Variants in NRXN1 observed in about 807,000 individuals in gnomAD.
The protein encoded by NRXN1 is neurexin 1.
Under a neutral mutation model 150.9 loss-of-function variants are expected in NRXN1, and 39 were observed. The observed-to-expected ratio is 0.26, with a 90% CI of 0.20 to 0.34. The LOEUF is 0.34. Among genes scored for constraint, NRXN1 ranks in the 10% least tolerant of loss-of-function variants. The pLI, the probability that NRXN1 is intolerant of heterozygous loss-of-function variation, is 1.00. For synonymous variants in NRXN1, 924 were observed against 757.0 expected (o/e 1.22, Z -3.62); for missense variants, 1,815 against 1,949.9 (o/e 0.93, Z 1.30).
intron 19 of NRXN1, among the ~76,000 whole-genome samples, chr2:50,084,661 C>T (rs1370931746): frequency 6.6e-6 from 1 of 152,200 alleles, no homozygotes; most frequent in Non-Finnish European, 1.5e-5. Context: ...TCCCACAGTG[C>T]AGTGGCAGGC....
chr2:50,574,871 C>A (rs1671163286), intron 8 of NRXN1, among the ~76,000 whole-genome samples: 2 of 152,184 alleles, frequency 1.3e-5, no homozygotes, highest in Non-Finnish European at 2.9e-5. Flanking sequence ...GATTCTTGTG[C>A]TTTGGCTGCA....
intron 5 of NRXN1, among the ~76,000 whole-genome samples, chr2:50,751,898 G>A (rs1192713170): frequency 6.6e-6 from 1 of 151,828 alleles, no homozygotes; most frequent in East Asian, 1.9e-4. Context: ...ACTATTTGAG[G>A]GTTGAAACCT....
chr2:50,895,243 AT>A (rs148031337), intron 5 of NRXN1, among the ~76,000 whole-genome samples: 6,495 of 152,292 alleles, frequency 0.043, 187 homozygotes, highest in Admixed American at 0.07. Flanking sequence ...ACAATGAGCC[AT>A]TTTATGAGTG....
rs1192060350 is a variant in NRXN1 at position 50,265,994 on chromosome 2, TATTATTTA to T, written c.3365-29032_3365-29025del. ...TTATTATTATTATTATTATTATTAT[TATTATTTA>T]TTTTTTTTTTTTTTGAGATAGAGTC... On this transcript the variant is annotated intron_variant, in intron 17 of 22. Coordinates refer to ENST00000401669, the MANE Select transcript of NRXN1 (RefSeq NM_001330078.2). Among the ~76,000 whole-genome samples, 664 of 71,358 alleles carry T rather than the reference TATTATTTA, an allele frequency of 9.3e-3. 2 individuals are homozygous for T. The highest frequency in any genetic ancestry group is 0.011 in the Non-Finnish European group (429 of 38,976). 46.8% of individuals were successfully genotyped at this position (71,358 alleles called of 152,430 possible).
chr2:50,966,751 G>A (rs1183746235), intron 2 of NRXN1, among the ~76,000 whole-genome samples: 7 of 151,876 alleles, frequency 4.6e-5, no homozygotes, highest in African/African-American at 1.7e-4. Flanking sequence ...AAATGAATGG[G>A]TAGTAATGGA....
chr2:50,110,186 C>T (rs1428949992), intron 18 of NRXN1, among the ~76,000 whole-genome samples: 1 of 152,042 alleles, frequency 6.6e-6, no homozygotes, highest in Non-Finnish European at 1.5e-5. Context: ...TCCCTCCCTC[C>T]TCACTTAGAA....
intron 17 of NRXN1, among the ~76,000 whole-genome samples, chr2:50,456,742 T>C (rs894430314): frequency 2.1e-4 from 32 of 152,136 alleles, no homozygotes; most frequent in African/African-American, 6.5e-4. Flanking sequence ...TCTTCACTAT[T>C]AATCTTGTAT....
intron 5 of NRXN1, among the ~76,000 whole-genome samples, chr2:50,896,141 G>A (rs1401238096): frequency 1.3e-5 from 2 of 152,094 alleles, no homozygotes; most frequent in East Asian, 1.9e-4. Flanking sequence ...TATTTACTGA[G>A]TCCTGTTAGA....
intron 5 of NRXN1, among the ~76,000 whole-genome samples, chr2:50,628,049 A>G (rs988092057): frequency 6.6e-6 from 1 of 151,896 alleles, no homozygotes. Context: ...TAACTAAATT[A>G]TAAAGTTTTG....
intron 5 of NRXN1, among the ~76,000 whole-genome samples, chr2:50,801,334 A>G (rs1188936115): frequency 6.6e-6 from 1 of 152,208 alleles, no homozygotes; most frequent in Non-Finnish European, 1.5e-5. Context: ...TTATAAAACC[A>G]TAATTTATAT....
intron 2 of NRXN1, among the ~76,000 whole-genome samples, chr2:50,995,210 T>C (rs1215444340): frequency 6.6e-6 from 1 of 151,962 alleles, no homozygotes; most frequent in Non-Finnish European, 1.5e-5. Flanking sequence ...GTCATTAAGT[T>C]ACGCCTTATA....
intron 2 of NRXN1, among the ~76,000 whole-genome samples, chr2:51,020,480 C>G (rs1300617356): frequency 6.6e-6 from 1 of 151,802 alleles, no homozygotes; most frequent in Non-Finnish European, 1.5e-5. Context: ...TTTAAAATGA[C>G]CCCAAAGTAG....
chr2:50,126,400 T>C (rs1011785431), intron 18 of NRXN1, among the ~76,000 whole-genome samples: 1 of 152,022 alleles, frequency 6.6e-6, no homozygotes, highest in Non-Finnish European at 1.5e-5. Context: ...AATAATCATA[T>C]TGGAACATAC....
intron 2 of NRXN1, among the ~76,000 whole-genome samples, chr2:51,013,527 A>G (rs1300286289): frequency 6.6e-6 from 1 of 151,540 alleles, no homozygotes; most frequent in Non-Finnish European, 1.5e-5. Context: ...TTTCCAACTC[A>G]GGACTTGGGA....
At chr2:50,823,746 A>G (rs1008147545) in intron 5 of NRXN1, among the ~76,000 whole-genome samples, 1 of 152,138 alleles carries the variant, frequency 6.6e-6, no homozygotes, top group East Asian at 1.9e-4. Context: ...ATGTCCAGTA[A>G]TTGGTTATTT....
chr2:50,905,776 T>C (rs1234141006), intron 5 of NRXN1, among the ~76,000 whole-genome samples: 1 of 152,138 alleles, frequency 6.6e-6, no homozygotes, highest in Non-Finnish European at 1.5e-5. Context: ...AAACATGACA[T>C]ATGTATTTAT....
intron 18 of NRXN1, among the ~76,000 whole-genome samples, chr2:50,206,894 A>T (rs1199047202): frequency 6.6e-6 from 1 of 151,244 alleles, no homozygotes; most frequent in African/African-American, 2.4e-5. Flanking sequence ...ACACACACAC[A>T]CACACACACA....
intron 17 of NRXN1, among the ~76,000 whole-genome samples, chr2:50,415,766 C>A (rs2083489846): frequency 6.6e-6 from 1 of 151,882 alleles, no homozygotes; most frequent in Admixed American, 6.6e-5. Context: ...GTAGTTACAT[C>A]TTTTTGCATT....
At chr2:50,618,032 A>G (rs1388250795) in intron 8 of NRXN1, among the ~76,000 whole-genome samples, 9 of 152,258 alleles carry the variant, frequency 5.9e-5, no homozygotes, top group Admixed American at 2.6e-4. Context: ...TTCTTTAGTT[A>G]GATTCCCATT....
Sources: allele counts gnomAD v4.1 joint callset (sites outside exome capture counted in the v4.1 genomes callset), GRCh38; gene constraint gnomAD v4.1.1; transcripts MANE v1.5; gene names NCBI Gene and HGNC (gene_info 2026-07-23, HGNC 2026-07-21).